TMEM108: variants seen among roughly 807,000 people sequenced by gnomAD.
TMEM108 encodes the protein cancer/testis antigen 124.
In TMEM108, 12 loss-of-function variants were observed where a neutral mutation model predicts 35.1. The observed-to-expected ratio is 0.34, with a 90% CI of 0.22 to 0.55. TMEM108 has a LOEUF of 0.55. Among genes scored for constraint, TMEM108 ranks in the 20% least tolerant of loss-of-function variants. The pLI is 0.89. For synonymous variants in TMEM108, 287 were observed against 308.6 expected, an observed-to-expected ratio of 0.93 and a Z score of 0.73; for missense variants, 680 against 753.3, an observed-to-expected ratio of 0.90 and a Z score of 1.14.
At chr3:133,312,210 G>A (rs955479693) in intron 3 of TMEM108, among the ~76,000 whole-genome samples, 3 of 152,222 alleles carry the variant, frequency 2.0e-5, no homozygotes, top group African/African-American at 7.2e-5. Flanking sequence ...TGAGGAGGCG[G>A]TCTGTCCATT....
chr3:133,243,678 G>T (rs1009700874), intron 3 of TMEM108, among the ~76,000 whole-genome samples: 2 of 151,970 alleles, frequency 1.3e-5, no homozygotes, highest in African/African-American at 2.4e-5. Flanking sequence ...CTGCCACCAC[G>T]CCCGGCTAAT....
rs74527986 is a variant in TMEM108, at chr3:133,076,060, G to A, written c.-47+30040G>A. 7.9e-5 allele frequency among the ~76,000 whole-genome samples: 12 copies of A among 152,190 alleles called. No homozygotes were observed. The East Asian group carries it at 2.3e-3, about 29-fold the overall frequency. On this transcript the variant is annotated intron_variant, in intron 2 of 5. Coordinates refer to ENST00000321871, the MANE Select transcript of TMEM108 (RefSeq NM_023943.4). ...ACAAAGGAATGTGGTGCTGAGTAAT[G>A]TGGGGACCCTCGAGATTTGGGTAAG...
chr3:133,378,803 CTTTTT>C (rs34139600), intron 3 of TMEM108, among the ~76,000 whole-genome samples: 1 of 134,422 alleles, frequency 7.4e-6, no homozygotes. Flanking sequence ...ATACAAAATC[CTTTTT>C]TTTTTTTTTT....
At chr3:133,203,917 T>G (rs114601163) in intron 2 of TMEM108, among the ~76,000 whole-genome samples, 6,452 of 152,270 alleles carry the variant, frequency 0.042, 173 homozygotes, top group Non-Finnish European at 0.062. Context: ...TGTGACTCCA[T>G]CTGGTCATTG....
At chr3:133,218,756 T>C (rs987053415) in intron 2 of TMEM108, among the ~76,000 whole-genome samples, 2 of 152,084 alleles carry the variant, frequency 1.3e-5, no homozygotes, top group Admixed American at 6.6e-5. Context: ...ATAATCCTTT[T>C]GATGTGCTGT....
At chr3:133,340,420 T>C (rs2071625989) in intron 3 of TMEM108, among the ~76,000 whole-genome samples, 1 of 151,476 alleles carries the variant, frequency 6.6e-6, no homozygotes. Context: ...TAATAACAAA[T>C]AACAAGAGCA....
At chr3:133,043,222 T>C (rs1482166446) in intron 1 of TMEM108, among the ~76,000 whole-genome samples, 1 of 152,214 alleles carries the variant, frequency 6.6e-6, no homozygotes, top group Non-Finnish European at 1.5e-5. Flanking sequence ...TTTGTAATCT[T>C]ATGTATTTGA....
chr3:133,212,730 G>T (rs932592408), intron 2 of TMEM108, among the ~76,000 whole-genome samples: 8 of 151,954 alleles, frequency 5.3e-5, no homozygotes, highest in South Asian at 4.2e-4. Flanking sequence ...GTCAGATATT[G>T]TGGTGCATGC....
At chr3:133,158,112 C>CA (rs1442472623) in intron 2 of TMEM108, among the ~76,000 whole-genome samples, 3 of 151,742 alleles carry the variant, frequency 2.0e-5, no homozygotes, top group Non-Finnish European at 1.5e-5. Context: ...CAACAACAAA[C>CA]AAAAAAACAG....
At chr3:133,263,854 T>C (rs1946658800) in intron 3 of TMEM108, among the ~76,000 whole-genome samples, 1 of 152,236 alleles carries the variant, frequency 6.6e-6, no homozygotes, top group Admixed American at 6.5e-5. Flanking sequence ...ATTGTTTTTT[T>C]CCTTTAACTT....
chr3:133,289,753 C>A (rs1316196991), intron 3 of TMEM108, among the ~76,000 whole-genome samples: 4 of 152,058 alleles, frequency 2.6e-5, no homozygotes, highest in Admixed American at 2.6e-4. Flanking sequence ...CAAACGGCTA[C>A]TAAGTTGTTA....
At chr3:133,122,441 A>G (rs1944363524) in intron 2 of TMEM108, among the ~76,000 whole-genome samples, 1 of 152,232 alleles carries the variant, frequency 6.6e-6, no homozygotes, top group Non-Finnish European at 1.5e-5. Flanking sequence ...TGTGTTAGTT[A>G]CGCAGGGATA....
rs550085549 is a variant in TMEM108 at position 133,301,411 on chromosome 3, C to A, written c.40+72060C>A. ...TCTCAGCTCACCTCATAGGTTTAAC[C>A]ACAGTTCAGGAATGAACTGTGTCAT... On this transcript the variant is annotated intron_variant, in intron 3 of 5. Transcript: ENST00000321871. 3.5e-4 allele frequency among the ~76,000 whole-genome samples: 54 copies of A among 152,286 alleles called. 1 individual carries two copies. Among genetic ancestry groups the A allele is most frequent in the African/African-American group, 1.3e-3 (53 of 41,550 alleles).
At chr3:133,309,162 G>A (rs2071087705) in intron 3 of TMEM108, among the ~76,000 whole-genome samples, 3 of 152,170 alleles carry the variant, frequency 2.0e-5, no homozygotes, top group African/African-American at 7.2e-5. Flanking sequence ...GGTGTTTATA[G>A]TATTCTCTGA....
intron 2 of TMEM108, among the ~76,000 whole-genome samples, chr3:133,207,190 C>T (rs1010359346): frequency 5.3e-5 from 8 of 152,138 alleles, no homozygotes; most frequent in South Asian, 2.1e-4. Flanking sequence ...TGGAATGCAC[C>T]GTTCCTCAGG....
intron 2 of TMEM108, among the ~76,000 whole-genome samples, chr3:133,108,753 C>T (rs551488349): frequency 3.3e-5 from 5 of 150,180 alleles, no homozygotes; most frequent in African/African-American, 7.4e-5. Flanking sequence ...AACCAAACAC[C>T]GCATGTTCTC....
intron 3 of TMEM108, among the ~76,000 whole-genome samples, chr3:133,310,839 A>G (rs901728227): frequency 6.6e-6 from 1 of 152,116 alleles, no homozygotes; most frequent in Non-Finnish European, 1.5e-5. Context: ...ACAATTTGCC[A>G]TGTTTTTGCA....
intron 3 of TMEM108, among the ~76,000 whole-genome samples, chr3:133,300,932 G>T (rs766444584): frequency 8.8e-6 from 1 of 113,776 alleles, no homozygotes; most frequent in Admixed American, 1.1e-4. Flanking sequence ...ATGCCACAGC[G>T]TAAGAATAAA....
chr3:133,314,148 T>C (rs1459506664), intron 3 of TMEM108, among the ~76,000 whole-genome samples: 1 of 152,190 alleles, frequency 6.6e-6, no homozygotes, highest in Non-Finnish European at 1.5e-5. Context: ...TTTTTCTGTT[T>C]CATCTAATGA....
Sources: allele counts gnomAD v4.1 joint callset (sites outside exome capture counted in the v4.1 genomes callset), GRCh38; gene constraint gnomAD v4.1.1; transcripts MANE v1.5; gene names NCBI Gene and HGNC (gene_info 2026-07-23, HGNC 2026-07-21).